Variants in NAALADL2 observed in about 807,000 individuals in gnomAD.
The protein encoded by NAALADL2 is inactive N-acetylated-alpha-linked acidic dipeptidase-like protein 2.
NAALADL2 carries 76 observed loss-of-function variants against 87.2 expected under a neutral mutation model. The ratio of observed to expected loss-of-function variants is 0.87; its 90% CI spans 0.72 to 1.05. The LOEUF (loss-of-function observed/expected upper bound fraction) is 1.05, where lower values mean the gene tolerates loss of function less well. NAALADL2 is among the 50% of genes least tolerant of loss of function. The pLI is 0.00. For synonymous variants in NAALADL2, 354 were observed against 331.0 expected, an observed-to-expected ratio of 1.07 and a Z score of -0.75; for missense variants, 1,089 against 945.8, an observed-to-expected ratio of 1.15 and a Z score of -1.99.
intron 2 of NAALADL2, among the ~76,000 whole-genome samples, chr3:174,737,015 A>T (rs1733284759): frequency 6.6e-6 from 1 of 152,208 alleles, no homozygotes. Flanking sequence ...TGATCAAAGC[A>T]TGGGCAGCTG....
intron 5 of NAALADL2, among the ~76,000 whole-genome samples, chr3:175,441,895 G>C (rs1223347674): frequency 1.3e-5 from 2 of 152,026 alleles, no homozygotes; most frequent in Non-Finnish European, 2.9e-5. Flanking sequence ...TATCTTCCCT[G>C]ATGCTGTTTG....
intron 1 of NAALADL2, among the ~76,000 whole-genome samples, chr3:174,532,626 C>A (rs1258140895): frequency 2.6e-5 from 4 of 152,140 alleles, no homozygotes; most frequent in African/African-American, 9.7e-5. Flanking sequence ...CCAAGCTACA[C>A]TGAAGGAAAA....
At chr3:174,930,225 T>C (rs1003323721) in intron 1 of NAALADL2, among the ~76,000 whole-genome samples, 7 of 152,152 alleles carry the variant, frequency 4.6e-5, no homozygotes, top group African/African-American at 9.7e-5. Flanking sequence ...GTTTGGGCAG[T>C]TTTTAAAACC....
At chr3:175,058,254 C>A (rs552811422) in intron 1 of NAALADL2, among the ~76,000 whole-genome samples, 1 of 152,216 alleles carries the variant, frequency 6.6e-6, no homozygotes, top group Admixed American at 6.5e-5. Context: ...AGAGAGAGAA[C>A]AATCACCCAT....
intron 1 of NAALADL2, among the ~76,000 whole-genome samples, chr3:174,984,960 A>C (rs1303493360): frequency 6.6e-6 from 1 of 152,214 alleles, no homozygotes. Flanking sequence ...GATTTAACTT[A>C]GCATTTTGGT....
chr3:175,747,758 G>T (rs919746130), intron 12 of NAALADL2, among the ~76,000 whole-genome samples: 3 of 151,884 alleles, frequency 2.0e-5, no homozygotes, highest in Non-Finnish European at 4.4e-5. Flanking sequence ...AACTCCACCT[G>T]AATTTAATTC....
At chr3:175,374,320 G>A (rs1415154201) in intron 5 of NAALADL2, among the ~76,000 whole-genome samples, 4 of 151,600 alleles carry the variant, frequency 2.6e-5, no homozygotes, top group African/African-American at 2.4e-5. Flanking sequence ...TTGGGAGGCC[G>A]AGGTGGGAGG....
At chr3:174,987,812 T>TTATATA (rs1246166898) in intron 1 of NAALADL2, among the ~76,000 whole-genome samples, 5 of 120,082 alleles carry the variant, frequency 4.2e-5, no homozygotes, top group African/African-American at 2.3e-4. Context: ...ATATATATAA[T>TTATATA]TATATATATA....
At chr3:175,446,819 A>G (rs1720781421) in intron 5 of NAALADL2, among the ~76,000 whole-genome samples, 1 of 152,126 alleles carries the variant, frequency 6.6e-6, no homozygotes, top group Non-Finnish European at 1.5e-5. Flanking sequence ...CAGCTTCCCT[A>G]CTAAGAACTT....
chr3:175,468,585 A>G (rs1281302323), intron 8 of NAALADL2, among the ~76,000 whole-genome samples: 1 of 152,042 alleles, frequency 6.6e-6, no homozygotes, highest in Non-Finnish European at 1.5e-5. Flanking sequence ...TTCGAATTCC[A>G]AAGATGTATT....
chr3:175,452,089 A>C (rs1721659575), intron 6 of NAALADL2, among the ~76,000 whole-genome samples: 1 of 152,190 alleles, frequency 6.6e-6, no homozygotes, highest in Non-Finnish European at 1.5e-5. Context: ...TTCTATTAAA[A>C]GGAAATGTTA....
chr3:174,980,717 T>A (rs1409401834), intron 1 of NAALADL2, among the ~76,000 whole-genome samples: 1 of 152,184 alleles, frequency 6.6e-6, no homozygotes, highest in Non-Finnish European at 1.5e-5. Flanking sequence ...TTTTTAATTA[T>A]AATACATAGG....
chr3:175,120,407 T>G (rs1465596031), intron 2 of NAALADL2, among the ~76,000 whole-genome samples: 1 of 151,790 alleles, frequency 6.6e-6, no homozygotes, highest in Non-Finnish European at 1.5e-5. Context: ...GTCTTCTGTA[T>G]TTAGCAGTTT....
intron 2 of NAALADL2, among the ~76,000 whole-genome samples, chr3:174,710,812 T>C (rs9831971): frequency 6.6e-6 from 1 of 152,170 alleles, no homozygotes; most frequent in Non-Finnish European, 1.5e-5. Flanking sequence ...ATGAAATGCA[T>C]TTTTTCCTAG....
intron 12 of NAALADL2, among the ~76,000 whole-genome samples, chr3:175,754,211 T>C (rs1227289788): frequency 6.6e-6 from 1 of 152,202 alleles, no homozygotes; most frequent in Non-Finnish European, 1.5e-5. Context: ...AAGCAGGTAC[T>C]ATTATTACAT....
intron 2 of NAALADL2, among the ~76,000 whole-genome samples, chr3:175,220,812 T>C (rs910474919): frequency 6.6e-6 from 1 of 152,226 alleles, no homozygotes; most frequent in African/African-American, 2.4e-5. Flanking sequence ...TTTTAAAAAA[T>C]ACATTTGCTT....
Position 174,787,596 on chromosome 3 carries a change from T to TACATATATATATATATATACAC in NAALADL2, c.-9+49851_-9+49852insCATATATATATATATATACACA, listed in dbSNP as rs1432220084. On this transcript the variant is annotated intron_variant, in intron 3 of 3. Transcript: ENST00000434257. ...ATCATCATATATATATATATATATATATATATATATATATATATATATATA... is the reference window on the plus strand; with the variant it reads ...ATCATCATATATATATATATATATATACATATATATATATATATACACATATATATATATATATATATATATA... 7.6e-5 allele frequency among the ~76,000 whole-genome samples: 5 copies of TACATATATATATATATATACAC among 65,806 alleles called. 1 individual carries two copies. The highest frequency in any genetic ancestry group is 3.0e-4 in the Admixed American group (2 of 6,638). 43.2% of individuals were successfully genotyped at this position (65,806 alleles called of 152,430 possible).
chr3:175,410,771 C>G (rs548576673), intron 5 of NAALADL2, among the ~76,000 whole-genome samples: 3 of 152,268 alleles, frequency 2.0e-5, no homozygotes, highest in Admixed American at 2.0e-4. Flanking sequence ...CATAAGTATG[C>G]CTTAGCTTAG....
chr3:175,716,309 A>G (rs1741270680), intron 11 of NAALADL2, among the ~76,000 whole-genome samples: 1 of 146,820 alleles, frequency 6.8e-6, no homozygotes, highest in Admixed American at 6.9e-5. Flanking sequence ...AAGATATATT[A>G]CATATATAAT....
Sources: allele counts gnomAD v4.1 joint callset (sites outside exome capture counted in the v4.1 genomes callset), GRCh38; gene constraint gnomAD v4.1.1; transcripts MANE v1.5; gene names NCBI Gene and HGNC (gene_info 2026-07-23, HGNC 2026-07-21).